Variants in DYRK1A observed in about 807,000 individuals in gnomAD.
The protein encoded by DYRK1A is dual specificity tyrosine-phosphorylation-regulated kinase 1A.
In DYRK1A, 9 loss-of-function variants were observed where a neutral mutation model predicts 79.7. The observed-to-expected ratio is 0.11, with a 90% confidence interval of 0.07 to 0.20. The LOEUF is 0.20. Among genes scored for constraint, DYRK1A ranks in the 10% least tolerant of loss-of-function variants. The probability of loss-of-function intolerance (pLI) is 1.00; values close to 1 mark genes in which losing one functional copy is unlikely to be tolerated. For synonymous variants in DYRK1A, 349 were observed against 329.7 expected, an observed-to-expected ratio of 1.06 and a Z score of -0.63; for missense variants, 622 against 956.0, an observed-to-expected ratio of 0.65 and a Z score of 4.61.
chr21:37,438,427 T>TC (rs145575026), intron 2 of DYRK1A, among the ~76,000 whole-genome samples: 8,025 of 152,248 alleles, frequency 0.053, 754 homozygotes, highest in African/African-American at 0.18. Flanking sequence ...GTTGTTTTTT[T>TC]CCCCACTAGA....
chr21:37,462,916 G>A (rs1273784897), intron 2 of DYRK1A, among the ~76,000 whole-genome samples: 2 of 152,128 alleles, frequency 1.3e-5, no homozygotes, highest in Non-Finnish European at 2.9e-5. Context: ...TTCTTTAGTT[G>A]TTTATGATGA....
At chr21:37,400,414 A>G (rs2050031988) in intron 1 of DYRK1A, among the ~76,000 whole-genome samples, 1 of 152,220 alleles carries the variant, frequency 6.6e-6, no homozygotes, top group Non-Finnish European at 1.5e-5. Context: ...TCACACTCCT[A>G]TAAATTATTT....
intron 1 of DYRK1A, among the ~76,000 whole-genome samples, chr21:37,406,806 T>C (rs191125375): frequency 3.0e-3 from 440 of 147,392 alleles, no homozygotes; most frequent in South Asian, 0.011. Flanking sequence ...TATATAATTA[T>C]ATATATCTAT....
intron 1 of DYRK1A, among the ~76,000 whole-genome samples, chr21:37,374,098 G>A (rs1043738835): frequency 3.9e-5 from 6 of 152,016 alleles, no homozygotes; most frequent in African/African-American, 1.4e-4. Flanking sequence ...TTTTACTGAC[G>A]CTTTATTTTC....
intron 2 of DYRK1A, among the ~76,000 whole-genome samples, chr21:37,439,272 A>G (rs932778780): frequency 1.3e-5 from 2 of 151,940 alleles, no homozygotes; most frequent in African/African-American, 2.4e-5. Flanking sequence ...GTTACCTTGT[A>G]TGTATTTCTT....
intron 1 of DYRK1A, among the ~76,000 whole-genome samples, chr21:37,400,878 C>T (rs1342915671): frequency 1.3e-5 from 2 of 152,164 alleles, no homozygotes; most frequent in African/African-American, 2.4e-5. Context: ...GGTGCAGTGG[C>T]TCACGCCTGT....
At chr21:37,505,094 A>T (rs1298286709) in intron 9 of DYRK1A, 189 bp from the exon 10 acceptor site, 1 of 571,052 alleles carries the variant, frequency 1.8e-6, no homozygotes, top group African/African-American at 1.9e-5. Context: ...TGGTCTCAGA[A>T]TTAATGTTGA....
chr21:37,380,412 A>AT, intron 1 of DYRK1A, among the ~76,000 whole-genome samples: 1 of 149,048 alleles, frequency 6.7e-6, no homozygotes, highest in South Asian at 2.1e-4. Flanking sequence ...TTTTTTTTGT[A>AT]TTTCGTTGTT....
intron 2 of DYRK1A, among the ~76,000 whole-genome samples, chr21:37,428,615 A>C (rs933197854): frequency 6.6e-6 from 1 of 152,142 alleles, no homozygotes; most frequent in African/African-American, 2.4e-5. Context: ...GTAGATTCAA[A>C]GTGAAATGAA....
In DYRK1A at chr21:37,511,915, G is replaced by A. The variant is rs144190333; in HGVS notation, c.1649G>A (p.Arg550His). 83 of 1,609,378 alleles carry A rather than the reference G, an allele frequency of 5.2e-5. No homozygotes were observed. In the African/African-American group the frequency reaches 6.4e-4, roughly 12 times the overall value. Residue 550 changes from arginine (R) to histidine (H), a missense_variant, in exon 12 of 12, where the codon CGT (arginine) becomes CAT (histidine). Coordinates refer to ENST00000647188, the MANE Select transcript of DYRK1A (RefSeq NM_001347721.2). ...MDCETHSPQV[R>H]QQFPAPLGWS... ...TTTAAAAATCTGTTCTTTCAGGTGC[G>A]TCAGCAATTTCCTGCTCCTCTTGGT... is the stretch of plus-strand genomic sequence containing the variant.
intron 1 of DYRK1A, among the ~76,000 whole-genome samples, chr21:37,392,917 G>T (rs2049897633): frequency 6.6e-6 from 1 of 152,234 alleles, no homozygotes; most frequent in African/African-American, 2.4e-5. Context: ...GGGGAGAAAT[G>T]CTGTGTCCTC....
At position 37,511,449 on chromosome 21, in the gene DYRK1A, G is replaced by A. The variant is rs1033156479; in HGVS notation, c.1645-462G>A. ...AAATTTGGAATCTGTTTCACAGGTA[G>A]ACTCATAAGTTCTTGCTCATGGGTT... On this transcript the variant is annotated intron_variant, in intron 11 of 11. Coordinates refer to ENST00000647188, the MANE Select transcript of DYRK1A (RefSeq NM_001347721.2). 2.6e-5 allele frequency among the ~76,000 whole-genome samples: 4 copies of A among 152,190 alleles called. No homozygotes were observed. The South Asian group carries it at 6.2e-4, about 24-fold the overall frequency.
chr21:37,512,036 T>C lies in DYRK1A; in HGVS notation c.1770T>C (p.His590=), dbSNP rs374935136. The C allele has an allele frequency of 6.2e-7, 1 of 1,613,946 alleles. No individual in the cohort carries two copies. The highest frequency in any genetic ancestry group is 1.3e-5 in the African/African-American group (1 of 74,876). ...TAGCCCCTCAACAGAATGCATTGCA[T>C]CATCACCATGGTAACAGTTCCCATC... The part of the protein sequence containing the change: ...FHVAPQQNAL[H]HHHGNSSHHH... The change falls in exon 12 of 12, where the codon CAT becomes CAC. Residue 590 remains histidine (H), a synonymous_variant. Coordinates refer to ENST00000647188, the MANE Select transcript of DYRK1A (RefSeq NM_001347721.2).
intron 2 of DYRK1A, among the ~76,000 whole-genome samples, chr21:37,470,945 C>G (rs1027370698): frequency 2.0e-5 from 3 of 152,174 alleles, no homozygotes; most frequent in African/African-American, 7.2e-5. Context: ...TATCCTTTTA[C>G]TTATTTAATA....
intron 2 of DYRK1A, among the ~76,000 whole-genome samples, chr21:37,441,802 G>A (rs759371172): frequency 5.9e-5 from 9 of 151,764 alleles, no homozygotes; most frequent in Non-Finnish European, 1.0e-4. Context: ...TATCCATTTC[G>A]TTATCTTTTC....
At chr21:37,397,166 G>A (rs192147831) in intron 1 of DYRK1A, among the ~76,000 whole-genome samples, 2 of 152,272 alleles carry the variant, frequency 1.3e-5, no homozygotes, top group African/African-American at 4.8e-5. Flanking sequence ...AGCCACAAGG[G>A]AGCCTGGGAG....
intron 1 of DYRK1A, among the ~76,000 whole-genome samples, chr21:37,417,260 G>A (rs377098671): frequency 2.0e-5 from 3 of 151,880 alleles, no homozygotes; most frequent in East Asian, 1.9e-4. Context: ...GCATGATCTC[G>A]GTTCACTGCA....
At chr21:37,383,086 A>AAC (rs2049691106) in intron 1 of DYRK1A, among the ~76,000 whole-genome samples, 1 of 152,246 alleles carries the variant, frequency 6.6e-6, no homozygotes, top group African/African-American at 2.4e-5. Context: ...TTTTGCAGTT[A>AAC]GGATGCAATC....
chr21:37,419,661 G>A (rs1175615618), intron 1 of DYRK1A: 1 of 152,158 alleles, frequency 6.6e-6, no homozygotes. Context: ...TGACAACACT[G>A]AGATTACTTT....
Sources: gnomAD v4.1 joint callset for allele counts (sites outside exome capture counted in the v4.1 genomes callset) on GRCh38, gnomAD v4.1.1 for gene constraint, MANE v1.5 for transcripts, NCBI Gene and HGNC (gene_info 2026-07-23, HGNC 2026-07-21) for gene names.